PUDP: variants seen among roughly 807,000 people sequenced by gnomAD.
The protein encoded by PUDP is pseudouridine 5'-phosphatase, also known as pseudouridine-5'-phosphatase.
PUDP carries 8 observed loss-of-function variants against 9.4 expected under a neutral mutation model. The ratio of observed to expected loss-of-function variants is 0.85; its 90% CI spans 0.50 to 1.53. PUDP has a LOEUF of 1.53. Among genes scored for constraint, PUDP ranks in the 40% most tolerant of loss-of-function variants. PUDP has a pLI of 0.00. For synonymous variants in PUDP, 99 were observed against 80.7 expected, an observed-to-expected ratio of 1.23 and a Z score of -1.22; for missense variants, 188 against 189.7, an observed-to-expected ratio of 0.99 and a Z score of 0.05.
intron 3 of PUDP, among the ~76,000 whole-genome samples, chrX:6,876,639 ATGTGTGTGTGTGTGTGTG>A (rs111935866): frequency 2.2e-5 from 2 of 92,798 alleles, no homozygotes; most frequent in African/African-American, 7.7e-5. Context: ...CTAAAATGTT[ATGTGTGTGTGTGTGTGTG>A]TGTGTGTGTG....
chrX:7,118,597 T>C (rs1484662842), intron 1 of PUDP, among the ~76,000 whole-genome samples: 2 of 112,202 alleles, frequency 1.8e-5, no homozygotes, highest in African/African-American at 3.2e-5. Flanking sequence ...ACTGTAATGC[T>C]ATGAACTAGA....
chrX:6,749,390 G>A (rs1436596024), intron 3 of PUDP, among the ~76,000 whole-genome samples: 1 of 111,450 alleles, frequency 9.0e-6, no homozygotes, highest in Non-Finnish European at 1.9e-5. Flanking sequence ...TCTGGGATTA[G>A]TGGTTGGTGG....
Position 6,748,772 on chromosome X carries a change from ATAAG to A in PUDP, c.*248-42310_*248-42307del, listed in dbSNP as rs760456975. 1.8e-3 allele frequency among the ~76,000 whole-genome samples: 198 copies of A among 112,242 alleles called. 1 individual carries two copies. The highest frequency in any genetic ancestry group is 5.7e-3 in the African/African-American group (177 of 30,890). On this transcript the variant is annotated intron_variant and NMD_transcript_variant, in intron 3 of 3. Coordinates refer to the PUDP transcript ENST00000655425. ...AAGAGTAGTAAATTCTGAAAGTAGA[ATAAG>A]TAGGAAGTGAAAAAGTTGTGACAGT... is the stretch of plus-strand genomic sequence containing the variant.
chrX:7,107,122 A>G (rs1931906565), intron 1 of PUDP, among the ~76,000 whole-genome samples: 1 of 112,121 alleles, frequency 8.9e-6, no homozygotes, highest in Non-Finnish European at 1.9e-5. Flanking sequence ...ATTCAAATTC[A>G]GTTAGGAGAC....
At chrX:7,137,659 T>G (rs1045779049) in intron 1 of PUDP, among the ~76,000 whole-genome samples, 22 of 112,656 alleles carry the variant, frequency 2.0e-4, no homozygotes, top group African/African-American at 6.8e-4. Flanking sequence ...CTGTGGTGTG[T>G]GCTCCGACAC....
rs188280934 is a variant in PUDP, at chrX:6,913,951, C to T, written c.*247+63182G>A. On this transcript the variant is annotated intron_variant and NMD_transcript_variant, in intron 3 of 3. Coordinates refer to the PUDP transcript ENST00000655425. ...AGCTTTAAATATAAAATCACAGTTA[C>T]GGTCAGGAGGTAGAGACCATCCTGG... Among the ~76,000 whole-genome samples, 32 of 110,320 alleles carry T rather than the reference C, an allele frequency of 2.9e-4. No homozygotes were observed. The East Asian group carries it at 3.7e-3, about 13-fold the overall frequency.
intron 3 of PUDP, among the ~76,000 whole-genome samples, chrX:7,059,733 T>G (rs1379516494): frequency 1.8e-5 from 2 of 112,223 alleles, no homozygotes; most frequent in East Asian, 2.8e-4. Context: ...CTGTATAATA[T>G]GACTCCACAC....
chrX:7,031,482 C>T (rs779725728), intron 1 of PUDP, among the ~76,000 whole-genome samples: 34 of 111,878 alleles, frequency 3.0e-4, no homozygotes, highest in African/African-American at 9.4e-4. Context: ...ACGCTAAACT[C>T]GCTCCACTGC....
At chrX:6,960,109 G>C (rs1160356503) in intron 3 of PUDP, among the ~76,000 whole-genome samples, 1 of 112,091 alleles carries the variant, frequency 8.9e-6, no homozygotes, top group Non-Finnish European at 1.9e-5. Flanking sequence ...TTTTGACTTG[G>C]TGCTGGAAGG....
intron 3 of PUDP, among the ~76,000 whole-genome samples, chrX:6,763,313 C>T (rs965690734): frequency 1.4e-4 from 16 of 111,394 alleles, no homozygotes; most frequent in Non-Finnish European, 2.3e-4. Context: ...CACTTGAACC[C>T]GGGAGGCGGA....
intron 3 of PUDP, among the ~76,000 whole-genome samples, chrX:6,840,763 T>G (rs774674282): frequency 9.4e-6 from 1 of 106,859 alleles, no homozygotes; most frequent in South Asian, 4.4e-4. Flanking sequence ...GTGACAATGA[T>G]GTGTCCTCAT....
At chrX:7,045,368 T>C (rs1929971496), downstream of PUDP, among the ~76,000 whole-genome samples, 1 of 112,197 alleles carries the variant, frequency 8.9e-6, no homozygotes, top group African/African-American at 3.2e-5. Context: ...CTTTTGGTTC[T>C]CTGGGTTTCC....
chrX:6,790,056 A>G (rs1361564171), intron 3 of PUDP, among the ~76,000 whole-genome samples: 1 of 111,347 alleles, frequency 9.0e-6, no homozygotes, highest in African/African-American at 3.3e-5. Context: ...AGATAGATAT[A>G]TATCAGCAAA....
intron 3 of PUDP, among the ~76,000 whole-genome samples, chrX:6,960,589 C>A (rs755716260): frequency 1.8e-5 from 2 of 112,181 alleles, no homozygotes; most frequent in Non-Finnish European, 3.8e-5. Context: ...TATTGAGACT[C>A]CAGTATTCTG....
At chrX:6,813,301 C>T (rs190332096) in intron 3 of PUDP, among the ~76,000 whole-genome samples, 353 of 111,526 alleles carry the variant, frequency 3.2e-3, no homozygotes, top group Non-Finnish European at 5.1e-3. Context: ...AAACAATACA[C>T]GGGAATAGCT....
intron 3 of PUDP, among the ~76,000 whole-genome samples, chrX:6,825,418 G>C (rs1269724752): frequency 9.0e-6 from 1 of 111,330 alleles, no homozygotes; most frequent in Non-Finnish European, 1.9e-5. Flanking sequence ...TCTCTGCTCC[G>C]GGCCCTTGCA....
chrX:6,883,903 C>G (rs774143402), intron 3 of PUDP, among the ~76,000 whole-genome samples: 1 of 111,632 alleles, frequency 9.0e-6, no homozygotes, highest in East Asian at 2.8e-4. Flanking sequence ...TGCAGCGGCA[C>G]GATCTCGGCT....
intron 2 of PUDP, among the ~76,000 whole-genome samples, chrX:7,102,704 A>G (rs1461108117): frequency 9.0e-6 from 1 of 111,578 alleles, no homozygotes; most frequent in African/African-American, 3.3e-5. Flanking sequence ...ATATTAAAAA[A>G]AAAAACCCAA....
chrX:6,891,737 C>A (rs1927519458), intron 3 of PUDP, among the ~76,000 whole-genome samples: 1 of 112,097 alleles, frequency 8.9e-6, no homozygotes, highest in South Asian at 3.7e-4. Flanking sequence ...CCTTCCCTTC[C>A]ACCCAGTGAG....
Sources: allele counts gnomAD v4.1 joint callset (sites outside exome capture counted in the v4.1 genomes callset), GRCh38; gene constraint gnomAD v4.1.1; transcripts MANE v1.5; gene names NCBI Gene and HGNC (gene_info 2026-07-23, HGNC 2026-07-21).